The following ADGRL2 variants were observed in gnomAD, a reference collection of about 807,000 sequenced individuals.
ADGRL2 encodes calcium-independent alpha-latrotoxin receptor 2.
ADGRL2 carries 44 observed loss-of-function variants against 157.4 expected under a neutral mutation model. The observed-to-expected ratio is 0.28, with a 90% CI of 0.22 to 0.36. The LOEUF is 0.36. Ranked by LOEUF, ADGRL2 falls within the 10% of genes least tolerant of loss-of-function variation. The probability of loss-of-function intolerance (pLI) is 1.00; values close to 1 mark genes in which losing one functional copy is unlikely to be tolerated. For synonymous variants in ADGRL2, 585 were observed against 624.7 expected, an observed-to-expected ratio of 0.94 and a Z score of 0.95; for missense variants, 1,510 against 1,768.9, an observed-to-expected ratio of 0.85 and a Z score of 2.63.
At chr1:81,816,055 G>T (rs1267611663) in intron 1 of ADGRL2, among the ~76,000 whole-genome samples, 1 of 151,730 alleles carries the variant, frequency 6.6e-6, no homozygotes, top group Admixed American at 6.6e-5. Flanking sequence ...TGTAGTGCAA[G>T]CATCACTTAA....
At chr1:81,626,233 A>AG (rs1293719176) in intron 3 of ADGRL2, among the ~76,000 whole-genome samples, 1 of 152,244 alleles carries the variant, frequency 6.6e-6, no homozygotes, top group Non-Finnish European at 1.5e-5. Flanking sequence ...AGACCAAAAA[A>AG]CAACACCTAA....
intron 2 of ADGRL2, among the ~76,000 whole-genome samples, chr1:81,855,349 G>C (rs188491093): frequency 6.6e-6 from 1 of 152,082 alleles, no homozygotes; most frequent in Non-Finnish European, 1.5e-5. Flanking sequence ...GCTAAGGTGG[G>C]AGGATCACTT....
intron 2 of ADGRL2, among the ~76,000 whole-genome samples, chr1:81,450,072 A>G (rs2077676954): frequency 6.6e-6 from 1 of 152,134 alleles, no homozygotes; most frequent in Admixed American, 6.5e-5. Context: ...TTGGTTTCTA[A>G]CCATGCTCAA....
chr1:81,557,057 A>C, intron 2 of ADGRL2: 1 of 179,482 alleles, frequency 5.6e-6, no homozygotes, highest in Non-Finnish European at 1.2e-5. Flanking sequence ...GAAGAAGAAG[A>C]GATGTGTGGC....
At chr1:81,737,474 C>T (rs1188636876) in intron 1 of ADGRL2, among the ~76,000 whole-genome samples, 1 of 152,242 alleles carries the variant, frequency 6.6e-6, no homozygotes, top group East Asian at 1.9e-4. Context: ...CCCCATGATC[C>T]AGTCACCTCC....
At chr1:81,916,033 A>G (rs903710974) in intron 3 of ADGRL2, among the ~76,000 whole-genome samples, 30 of 152,164 alleles carry the variant, frequency 2.0e-4, no homozygotes, top group African/African-American at 6.8e-4. Context: ...ATCGGTTTCT[A>G]TTTACAAAGT....
intron 1 of ADGRL2, among the ~76,000 whole-genome samples, chr1:81,421,259 C>G (rs183114157): frequency 9.9e-5 from 15 of 152,254 alleles, no homozygotes; most frequent in African/African-American, 3.4e-4. Context: ...CTACAATTTG[C>G]TGGGTTTGTT....
At chr1:81,967,939 TA>T in intron 13 of ADGRL2, 86 bp from the exon 14 acceptor site, 1 of 1,119,888 alleles carries the variant, frequency 8.9e-7, no homozygotes, top group Non-Finnish European at 1.3e-6. Flanking sequence ...AAGTTTAATC[TA>T]AATTACCTTT....
At chr1:81,955,823 T>G in intron 10 of ADGRL2, 54 bp from the exon 11 acceptor site, 1 of 1,146,106 alleles carries the variant, frequency 8.7e-7, no homozygotes, top group East Asian at 2.6e-5. Flanking sequence ...CTACTGAAAA[T>G]CACTTTGGTT....
intron 2 of ADGRL2, among the ~76,000 whole-genome samples, chr1:81,786,237 A>G (rs184612422): frequency 4.4e-4 from 67 of 152,382 alleles, no homozygotes; most frequent in African/African-American, 1.6e-3. Flanking sequence ...TATACTAATA[A>G]CACTCACCAA....
At chr1:81,388,435 C>A (rs2076476022) in intron 1 of ADGRL2, among the ~76,000 whole-genome samples, 1 of 97,152 alleles carries the variant, frequency 1.0e-5, no homozygotes, top group Non-Finnish European at 2.2e-5. Context: ...AAATACCAGC[C>A]ACAACTTTCA....
intron 1 of ADGRL2, among the ~76,000 whole-genome samples, chr1:81,811,807 A>G (rs1557688469): frequency 6.6e-6 from 1 of 151,736 alleles, no homozygotes; most frequent in African/African-American, 2.4e-5. Flanking sequence ...TTTTAAATTG[A>G]TCCTAAGATG....
intron 2 of ADGRL2, among the ~76,000 whole-genome samples, chr1:81,536,988 A>T (rs555789127): frequency 5.3e-5 from 8 of 152,268 alleles, no homozygotes; most frequent in African/African-American, 1.9e-4. Context: ...TGAAGTAAGA[A>T]TAAAATTATC....
chr1:81,992,255 T>C lies in ADGRL2; in HGVS notation c.*1110T>C, dbSNP rs1220038157. On this transcript the variant is annotated 3_prime_UTR_variant, in exon 24 of 24. Transcript: ENST00000686636. ...CCATATTCCTTCTGCCTATATTTAGTAATTAATTTATTTTATGATAAAGTT... is the reference window on the plus strand; with the variant it reads ...CCATATTCCTTCTGCCTATATTTAGCAATTAATTTATTTTATGATAAAGTT... 6.6e-6 allele frequency: 1 copy of C among 152,588 alleles called. No homozygotes were observed. The highest frequency in any genetic ancestry group is 2.4e-5 in the African/African-American group (1 of 41,454). 9.5% of individuals were successfully genotyped at this position (152,588 alleles called of 1,614,324 possible). A position where few individuals can be genotyped will look rare whatever the true frequency, so the allele number is the denominator to read the frequency against.
At chr1:81,722,388 A>G in intron 1 of ADGRL2, 1 of 797,190 alleles carries the variant, frequency 1.3e-6, no homozygotes, top group Non-Finnish European at 2.2e-6. Flanking sequence ...GGTGAACTGC[A>G]GAAAGCCATT....
chr1:81,925,625 C>T (rs1188420601), intron 3 of ADGRL2, among the ~76,000 whole-genome samples: 1 of 149,618 alleles, frequency 6.7e-6, no homozygotes, highest in Non-Finnish European at 1.5e-5. Context: ...GGAAATGTTT[C>T]TGAGTCAGTT....
At chr1:81,807,632 C>T (rs1486070320) in intron 1 of ADGRL2, among the ~76,000 whole-genome samples, 2 of 151,860 alleles carry the variant, frequency 1.3e-5, no homozygotes, top group East Asian at 1.9e-4. Context: ...TAATCCTTGA[C>T]TTAGTGTGGT....
chr1:81,502,988 A>T (rs985258709), intron 2 of ADGRL2: 19 of 1,613,388 alleles, frequency 1.2e-5, no homozygotes, highest in Non-Finnish European at 1.6e-5. Flanking sequence ...GCTGTGCCAA[A>T]TCGTCTGGCT....
chr1:81,332,536 T>G (rs947471404), intron 1 of ADGRL2, among the ~76,000 whole-genome samples: 30 of 152,308 alleles, frequency 2.0e-4, no homozygotes, highest in African/African-American at 6.5e-4. Flanking sequence ...AACATTAAAT[T>G]CAAACCTCCT....
Sources: allele counts gnomAD v4.1 joint callset (sites outside exome capture counted in the v4.1 genomes callset), GRCh38; gene constraint gnomAD v4.1.1; transcripts MANE v1.5; gene names NCBI Gene and HGNC (gene_info 2026-07-23, HGNC 2026-07-21).